The following HGSNAT variants were observed in gnomAD, a reference collection of about 807,000 sequenced individuals.
HGSNAT encodes the protein heparan-alpha-glucosaminide N-acetyltransferase.
In HGSNAT, 59 loss-of-function variants were observed where a neutral mutation model predicts 85.2. That is an observed-to-expected ratio of 0.69 (90% CI 0.56 to 0.86). HGSNAT has a LOEUF of 0.86. HGSNAT is among the 40% of genes least tolerant of loss of function. The pLI is 0.00. For synonymous variants in HGSNAT, 321 were observed against 304.5 expected, an observed-to-expected ratio of 1.05 and a Z score of -0.56; for missense variants, 756 against 777.1, an observed-to-expected ratio of 0.97 and a Z score of 0.32.
chr8:43,141,288 AGCC>A lies in HGSNAT; in HGVS notation c.118+696_118+698del, dbSNP rs545919735. Reference sequence around the variant, plus strand: ...CGTTTTCCCTCCAGGGTGACTGGGAAGCCGCCGCCGCCGCCGCCGCCGCCTGGG... The same window carrying A: ...CGTTTTCCCTCCAGGGTGACTGGGAAGCCGCCGCCGCCGCCGCCGCCTGGG... On this transcript the variant is annotated intron_variant, in intron 1 of 17. Coordinates refer to ENST00000379644, the MANE Select transcript of HGSNAT (RefSeq NM_152419.3). Among the ~76,000 whole-genome samples, 226 of 151,824 alleles carry A rather than the reference AGCC, an allele frequency of 1.5e-3. 1 individual carries two copies. Among genetic ancestry groups the A allele is most frequent in the South Asian group, 0.011 (52 of 4,820 alleles).
At chr8:43,194,404 G>GA in intron 14 of HGSNAT, 2 of 985,312 alleles carry the variant, frequency 2.0e-6, no homozygotes, top group African/African-American at 1.7e-5. Context: ...TCTCAAAAAA[G>GA]AAAAAAAGGT....
At chr8:43,181,062 C>T (rs1258033792) in intron 10 of HGSNAT, among the ~76,000 whole-genome samples, 15 of 107,720 alleles carry the variant, frequency 1.4e-4, no homozygotes, top group East Asian at 2.8e-4. Flanking sequence ...AGCCTTGGCT[C>T]GGCATCAGAG....
At position 43,146,992 on chromosome 8, in the gene HGSNAT, T is replaced by G; in HGVS notation, c.163T>G (p.Leu55Val). ...TGCAGAGCTGAAGATGGATCAGGCT[T>G]TGCTACTCATCCATAATGAACTTCT... is the stretch of plus-strand genomic sequence containing the variant. ...RHAELKMDQALLLIHNELLWT... is the reference protein window; with the variant it reads ...RHAELKMDQAVLLIHNELLWT... Residue 55 changes from leucine to valine, a missense_variant, in exon 2 of 18, where the codon TTG becomes GTG. Transcript: ENST00000379644. 1 of 1,610,084 alleles carries G rather than the reference T, an allele frequency of 6.2e-7. No homozygotes were observed. The highest frequency in any genetic ancestry group is 2.2e-5 in the East Asian group (1 of 44,842).
chr8:43,184,849 A>C (rs951431966), intron 11 of HGSNAT, among the ~76,000 whole-genome samples: 2 of 152,234 alleles, frequency 1.3e-5, no homozygotes, highest in African/African-American at 4.8e-5. Context: ...TCAGCTTTCT[A>C]CATATGGCTA....
At chr8:43,156,489 A>G (rs562737131) in intron 2 of HGSNAT, among the ~76,000 whole-genome samples, 2 of 152,022 alleles carry the variant, frequency 1.3e-5, no homozygotes, top group Non-Finnish European at 2.9e-5. Context: ...AAATTTTTTC[A>G]TTGACTCATT....
At chr8:43,197,430 C>T (rs371563017) in intron 15 of HGSNAT, 2 of 562,974 alleles carry the variant, frequency 3.6e-6, no homozygotes, top group South Asian at 4.7e-5. Context: ...TCTTCAGAGT[C>T]ACTGTCATTT....
intron 10 of HGSNAT, among the ~76,000 whole-genome samples, chr8:43,179,536 C>A (rs1392809574): frequency 3.2e-5 from 4 of 126,814 alleles, no homozygotes; most frequent in South Asian, 2.6e-4. Context: ...GCTGGCCGAC[C>A]CCCCCCACCG....
chr8:43,186,358 AG>A (rs1469062328), intron 11 of HGSNAT, among the ~76,000 whole-genome samples: 1 of 152,128 alleles, frequency 6.6e-6, no homozygotes, highest in Non-Finnish European at 1.5e-5. Context: ...TTCCTGGTTT[AG>A]TCTTGGGAGG....
intron 17 of HGSNAT, 77 bp from the exon 18 acceptor site, chr8:43,199,304 TGAACTGG>T: frequency 1.0e-6 from 1 of 999,040 alleles, no homozygotes; most frequent in Non-Finnish European, 1.5e-6. Flanking sequence ...GTTTTTTCAT[TGAACTGG>T]TTTCAAGAAT....
At chr8:43,182,886 G>A (rs907946019) in intron 11 of HGSNAT, among the ~76,000 whole-genome samples, 2 of 152,106 alleles carry the variant, frequency 1.3e-5, no homozygotes, top group Admixed American at 1.3e-4. Context: ...TAATCTTTAT[G>A]TCAATTTTTT....
At chr8:43,165,800 G>T (rs994898028) in intron 5 of HGSNAT, among the ~76,000 whole-genome samples, 5 of 152,162 alleles carry the variant, frequency 3.3e-5, no homozygotes, top group African/African-American at 9.7e-5. Context: ...GCTGGGCATG[G>T]TGTTGCATGC....
chr8:43,158,887 C>G, intron 3 of HGSNAT, 36 bp from the exon 4 acceptor site: 3 of 1,583,654 alleles, frequency 1.9e-6, no homozygotes, highest in Non-Finnish European at 2.6e-6. Flanking sequence ...ATTTTCTAAT[C>G]TAACCACTTG....
At chr8:43,159,544 T>C (rs1192025956) in intron 4 of HGSNAT, among the ~76,000 whole-genome samples, 1 of 152,166 alleles carries the variant, frequency 6.6e-6, no homozygotes, top group Non-Finnish European at 1.5e-5. Flanking sequence ...GCCAAGATTG[T>C]ACCACTGCAC....
intron 2 of HGSNAT, among the ~76,000 whole-genome samples, chr8:43,147,454 C>T (rs1334251637): frequency 6.6e-6 from 1 of 152,126 alleles, no homozygotes; most frequent in African/African-American, 2.4e-5. Flanking sequence ...GCCCTGCCTC[C>T]CTGATGATAA....
At chr8:43,144,704 G>GATTATT (rs369577040) in intron 1 of HGSNAT, among the ~76,000 whole-genome samples, 1 of 151,830 alleles carries the variant, frequency 6.6e-6, no homozygotes, top group African/African-American at 2.4e-5. Flanking sequence ...AGCTATAGTG[G>GATTATT]ATTATTATTA....
intron 1 of HGSNAT, among the ~76,000 whole-genome samples, chr8:43,141,552 C>T (rs1226697032): frequency 6.6e-6 from 1 of 152,100 alleles, no homozygotes; most frequent in Non-Finnish European, 1.5e-5. Context: ...GGGCAAGCAT[C>T]GCAAACCCCT....
At position 43,191,252 on chromosome 8, in the gene HGSNAT, G is replaced by A. The variant is rs34826093; in HGVS notation, c.1129-222G>A. On this transcript the variant is annotated intron_variant, in intron 11 of 17. Coordinates refer to ENST00000379644, the MANE Select transcript of HGSNAT (RefSeq NM_152419.3). ...GAACATATGTTTTCAGTTCTCTTGGGTATAGGAATAGAATTGTCTGCTGAT... is the reference window on the plus strand; with the variant it reads ...GAACATATGTTTTCAGTTCTCTTGGATATAGGAATAGAATTGTCTGCTGAT... Among the ~76,000 whole-genome samples the A allele has an allele frequency of 0.75, 113,854 of 152,110 alleles. 45,125 individuals carry two copies. The highest frequency in any genetic ancestry group is 0.88 in the Non-Finnish European group (60,122 of 68,010).
At chr8:43,152,736 C>T (rs1010335684) in intron 2 of HGSNAT, among the ~76,000 whole-genome samples, 2 of 151,764 alleles carry the variant, frequency 1.3e-5, no homozygotes, top group South Asian at 2.1e-4. Context: ...GAATTACAGG[C>T]GTGAACCACA....
At chr8:43,195,601 A>AAG (rs1804686188) in intron 14 of HGSNAT, among the ~76,000 whole-genome samples, 1 of 136,466 alleles carries the variant, frequency 7.3e-6, no homozygotes, top group African/African-American at 2.7e-5. Context: ...GAGGAGGAAG[A>AAG]AGAGAAGGAG....
Sources: allele counts gnomAD v4.1 joint callset (sites outside exome capture counted in the v4.1 genomes callset), GRCh38; gene constraint gnomAD v4.1.1; transcripts MANE v1.5; gene names NCBI Gene and HGNC (gene_info 2026-07-23, HGNC 2026-07-21).